CEP63: variants seen among roughly 807,000 people sequenced by gnomAD.
CEP63 encodes the protein centrosomal protein of 63 kDa.
In CEP63, 84 loss-of-function variants were observed where a neutral mutation model predicts 89.1. That is an observed-to-expected ratio of 0.94 (90% CI 0.79 to 1.13). CEP63 has a LOEUF of 1.13. CEP63 is among the 50% of genes most tolerant of loss of function. The pLI, the probability that CEP63 is intolerant of heterozygous loss-of-function variation, is 0.00. For missense variants in CEP63, 838 were observed against 813.3 expected, an observed-to-expected ratio of 1.03 and a Z score of -0.37; for synonymous variants, 267 against 272.5, an observed-to-expected ratio of 0.98 and a Z score of 0.20.
At chr3:134,533,967 A>G (rs1037373125) in intron 5 of CEP63, among the ~76,000 whole-genome samples, 1 of 151,970 alleles carries the variant, frequency 6.6e-6, no homozygotes, top group East Asian at 1.9e-4. Flanking sequence ...TTTCGGCAAT[A>G]CCTTTTCCCC....
downstream of CEP63, among the ~76,000 whole-genome samples, chr3:134,568,968 T>A (rs574676844): frequency 4.0e-4 from 61 of 152,230 alleles, no homozygotes; most frequent in African/African-American, 1.4e-3. Context: ...GAGGAGCAAG[T>A]CACATCTTAC....
the CEP63 span, among the ~76,000 whole-genome samples, chr3:134,692,108 A>G: frequency 6.6e-6 from 1 of 151,582 alleles, no homozygotes; most frequent in South Asian, 2.1e-4. Flanking sequence ...TTTTTAATTA[A>G]TTAATTAATT....
At chr3:134,734,091 A>G in the CEP63 span, among the ~76,000 whole-genome samples, 1 of 152,264 alleles carries the variant, frequency 6.6e-6, no homozygotes, top group African/African-American at 2.4e-5. Context: ...ATGTTTATAC[A>G]TACTCACTCT....
At chr3:134,565,624 A>C (rs138001747), downstream of CEP63, among the ~76,000 whole-genome samples, 1 of 152,230 alleles carries the variant, frequency 6.6e-6, no homozygotes, top group Non-Finnish European at 1.5e-5. Flanking sequence ...ATCGGGGCAG[A>C]GGGAAAATGA....
chr3:134,622,242 T>C, the CEP63 span, among the ~76,000 whole-genome samples: 1 of 152,110 alleles, frequency 6.6e-6, no homozygotes, highest in Admixed American at 6.5e-5. Flanking sequence ...AGGCAGAGAC[T>C]CAAACAGACA....
At chr3:134,485,953 G>C (rs1409057206), upstream of CEP63, 1 of 982,148 alleles carries the variant, frequency 1.0e-6, no homozygotes, top group Non-Finnish European at 1.2e-6. Flanking sequence ...AACCCTTACC[G>C]GCACCCGGCC....
At chr3:134,620,981 A>C in the CEP63 span, 2 of 662,008 alleles carry the variant, frequency 3.0e-6, no homozygotes, top group Non-Finnish European at 5.4e-6. Context: ...AGAGGTCCTG[A>C]GGGGCAAAGG....
At chr3:134,571,477 C>T (rs761218910) in intron 11 of CEP63, among the ~76,000 whole-genome samples, 8 of 152,134 alleles carry the variant, frequency 5.3e-5, no homozygotes, top group Admixed American at 4.6e-4. Flanking sequence ...GTCAGGAGAT[C>T]GAGACCATCC....
chr3:134,573,804 T>C (rs1958115874), intron 11 of CEP63, among the ~76,000 whole-genome samples: 1 of 152,072 alleles, frequency 6.6e-6, no homozygotes. Context: ...GTAATATTAA[T>C]TTTTTTTATT....
At chr3:134,590,097 G>A (rs1958570747), downstream of CEP63, among the ~76,000 whole-genome samples, 1 of 152,142 alleles carries the variant, frequency 6.6e-6, no homozygotes, top group Non-Finnish European at 1.5e-5. Flanking sequence ...AGGATGGAGG[G>A]TGGGAGGAGG....
the CEP63 span, among the ~76,000 whole-genome samples, chr3:134,724,033 CTT>C: frequency 6.6e-6 from 1 of 152,156 alleles, no homozygotes; most frequent in Admixed American, 6.5e-5. Flanking sequence ...TTTTCCAACT[CTT>C]TATTTTCCAT....
chr3:134,510,604 G>A, intron 3 of CEP63: 1 of 658,562 alleles, frequency 1.5e-6, no homozygotes, highest in Admixed American at 2.0e-5. Flanking sequence ...TCAAGGTGCA[G>A]GGGTGGGAAA....
chr3:134,692,102 T>A, the CEP63 span, among the ~76,000 whole-genome samples: 107,014 of 152,110 alleles, frequency 0.7, 37,863 homozygotes, highest in East Asian at 0.91. Context: ...ATTTTTTTTT[T>A]AATTAATTAA....
At chr3:134,685,810 G>A in the CEP63 span, among the ~76,000 whole-genome samples, 1 of 152,192 alleles carries the variant, frequency 6.6e-6, no homozygotes, top group African/African-American at 2.4e-5. Flanking sequence ...GTACACAAAG[G>A]ATGAGAACAG....
At chr3:134,593,048 A>G in the CEP63 span, among the ~76,000 whole-genome samples, 1 of 152,132 alleles carries the variant, frequency 6.6e-6, no homozygotes, top group African/African-American at 2.4e-5. Context: ...GCAGTTTTGT[A>G]TAGGTAAGGC....
chr3:134,703,024 G>A, the CEP63 span, among the ~76,000 whole-genome samples: 9 of 152,102 alleles, frequency 5.9e-5, no homozygotes, highest in Admixed American at 1.3e-4. Context: ...GGCCGAGTGC[G>A]GTCACTCATG....
chr3:134,533,006 G>A, intron 5 of CEP63, 106 bp downstream of exon 5: 1 of 1,137,696 alleles, frequency 8.8e-7, no homozygotes, highest in East Asian at 2.5e-5. Context: ...ACTATCTTAA[G>A]GACTGCCACT....
At chr3:134,701,896 G>A in the CEP63 span, among the ~76,000 whole-genome samples, 10 of 152,200 alleles carry the variant, frequency 6.6e-5, no homozygotes, top group African/African-American at 2.4e-4. Flanking sequence ...CAGGATAAGA[G>A]ACAGTGAGAC....
At chr3:134,763,401 T>C in the CEP63 span, among the ~76,000 whole-genome samples, 1 of 152,208 alleles carries the variant, frequency 6.6e-6, no homozygotes, top group Non-Finnish European at 1.5e-5. Flanking sequence ...TGTTACGGAA[T>C]GTCGAATCTG....
Sources: gnomAD v4.1 joint callset for allele counts (sites outside exome capture counted in the v4.1 genomes callset) on GRCh38, gnomAD v4.1.1 for gene constraint, MANE v1.5 for transcripts, NCBI Gene and HGNC (gene_info 2026-07-23, HGNC 2026-07-21) for gene names.